Variants in PRDM16 observed in about 807,000 individuals in gnomAD.
The protein encoded by PRDM16 is PR/SET domain 16.
In PRDM16, 23 loss-of-function variants were observed where a neutral mutation model predicts 110.6. The observed-to-expected ratio is 0.21, with a 90% CI of 0.15 to 0.29. PRDM16 has a LOEUF of 0.29. Among genes scored for constraint, PRDM16 ranks in the 10% least tolerant of loss-of-function variants. The pLI, the probability that PRDM16 is intolerant of heterozygous loss-of-function variation, is 1.00. For missense variants in PRDM16, 1,615 were observed against 1,794.3 expected, an observed-to-expected ratio of 0.90 and a Z score of 1.81; for synonymous variants, 799 against 781.8, an observed-to-expected ratio of 1.02 and a Z score of -0.37.
At chr1:3,318,593 C>CA (rs1469093124) in intron 3 of PRDM16, among the ~76,000 whole-genome samples, 4 of 152,210 alleles carry the variant, frequency 2.6e-5, no homozygotes, top group African/African-American at 9.7e-5. Context: ...ATCTATCACT[C>CA]ATCTGTCTAT....
At chr1:3,084,520 T>C (rs1642105986) in intron 1 of PRDM16, among the ~76,000 whole-genome samples, 1 of 152,126 alleles carries the variant, frequency 6.6e-6, no homozygotes, top group South Asian at 2.1e-4. Flanking sequence ...TGAGCTTGCA[T>C]GGGCCCCCGA....
intron 3 of PRDM16, among the ~76,000 whole-genome samples, chr1:3,282,251 C>T (rs781633215): frequency 7.9e-5 from 12 of 152,192 alleles, no homozygotes; most frequent in Non-Finnish European, 1.8e-4. Flanking sequence ...CCAGAGAGGT[C>T]AGCAGGTGCC....
At chr1:3,421,914 AG>A (rs1638441677) in intron 12 of PRDM16, among the ~76,000 whole-genome samples, 1 of 150,402 alleles carries the variant, frequency 6.6e-6, no homozygotes, top group African/African-American at 2.4e-5. Context: ...GCAAACAGAC[AG>A]GAAGACAGAC....
intron 2 of PRDM16, among the ~76,000 whole-genome samples, chr1:3,239,869 G>A (rs1459860135): frequency 6.6e-6 from 1 of 152,012 alleles, no homozygotes; most frequent in Non-Finnish European, 1.5e-5. Flanking sequence ...AGGATCACCT[G>A]AGCCCAGGAG....
chr1:3,335,602 A>AAGACACACACAC (rs1642127669), intron 3 of PRDM16, among the ~76,000 whole-genome samples: 1 of 144,326 alleles, frequency 6.9e-6, no homozygotes, highest in Non-Finnish European at 1.5e-5. Context: ...CTGAGGTTAA[A>AAGACACACACAC]ACACACACAC....
chr1:3,392,946 G>A (rs1569663075), intron 4 of PRDM16, among the ~76,000 whole-genome samples: 1 of 152,258 alleles, frequency 6.6e-6, no homozygotes. Flanking sequence ...TTTGAATTCG[G>A]AGGACCTGTG....
intron 14 of PRDM16, among the ~76,000 whole-genome samples, chr1:3,430,431 T>A (rs1638733281): frequency 6.6e-6 from 1 of 152,142 alleles, no homozygotes; most frequent in South Asian, 2.1e-4. Context: ...GGCTCCCGGC[T>A]CTCGGGCCAG....
In PRDM16 at chr1:3,373,557, ACCCCTGCAAGG is replaced by A. The variant is rs908892777; in HGVS notation, c.439-11592_439-11582del. ...ATCCGTCTCTGTGCTTATGAAAAAC[ACCCCTGCAAGG>A]CCACAGAACCAGGCCTGGTCAACCT... is the stretch of plus-strand genomic sequence containing the variant. On this transcript the variant is annotated intron_variant, in intron 3 of 16. Coordinates refer to ENST00000270722, the MANE Select transcript of PRDM16 (RefSeq NM_022114.4). Among the ~76,000 whole-genome samples, 70 of 152,154 alleles carry A rather than the reference ACCCCTGCAAGG, an allele frequency of 4.6e-4. 1 individual carries two copies. The highest frequency in any genetic ancestry group is 1.6e-3 in the African/African-American group (65 of 41,506).
chr1:3,177,948 C>G (rs973382359), intron 1 of PRDM16, among the ~76,000 whole-genome samples: 7 of 152,218 alleles, frequency 4.6e-5, no homozygotes, highest in Admixed American at 4.6e-4. Context: ...TCTTTCAGAG[C>G]AGGCCAGCAC....
chr1:3,126,458 C>T (rs929820420), intron 1 of PRDM16, among the ~76,000 whole-genome samples: 3 of 152,230 alleles, frequency 2.0e-5, no homozygotes, highest in Non-Finnish European at 4.4e-5. Flanking sequence ...CAGGCAGCAC[C>T]TGGGGTCCAG....
At chr1:3,368,232 C>T (rs1041164811) in intron 3 of PRDM16, among the ~76,000 whole-genome samples, 4 of 152,196 alleles carry the variant, frequency 2.6e-5, no homozygotes, top group East Asian at 1.9e-4. Flanking sequence ...GAGGCAGTCC[C>T]GACAGATGCT....
rs1039321107 is a variant in PRDM16, at chr1:3,201,433, C to T, written c.387+14959C>T. Among the ~76,000 whole-genome samples the T allele has an allele frequency of 2.6e-5, 4 of 152,190 alleles. No individual in the cohort carries two copies. Among genetic ancestry groups the T allele is most frequent in the African/African-American group, 9.7e-5 (4 of 41,450 alleles). On this transcript the variant is annotated intron_variant, in intron 2 of 16. Coordinates refer to ENST00000270722, the MANE Select transcript of PRDM16 (RefSeq NM_022114.4). The surrounding 1 kb of genome is among the most constrained non-coding windows in gnomAD (Gnocchi z 4.1). ...TAGCCCAAGCCACGGGAGCCAGCCT[C>T]ACCCTGGCCCCACACCAGAGCTCCC...
chr1:3,373,035 C>A (rs990416960), intron 3 of PRDM16, among the ~76,000 whole-genome samples: 1 of 152,210 alleles, frequency 6.6e-6, no homozygotes, highest in Non-Finnish European at 1.5e-5. Context: ...GCAGCTTGGG[C>A]ATCAAACTCT....
At chr1:3,338,731 G>A (rs1028312007) in intron 3 of PRDM16, among the ~76,000 whole-genome samples, 1 of 152,214 alleles carries the variant, frequency 6.6e-6, no homozygotes, top group Non-Finnish European at 1.5e-5. Context: ...ATGCCCTCCT[G>A]GAGCCCCAGA....
chr1:3,172,648 T>A (rs1300025210), intron 1 of PRDM16, among the ~76,000 whole-genome samples: 2 of 152,234 alleles, frequency 1.3e-5, no homozygotes, highest in Non-Finnish European at 2.9e-5. Flanking sequence ...CGCCACCACC[T>A]GGAGGAAACT....
At chr1:3,132,290 G>T (rs1019586287) in intron 1 of PRDM16, among the ~76,000 whole-genome samples, 1 of 152,194 alleles carries the variant, frequency 6.6e-6, no homozygotes, top group African/African-American at 2.4e-5. Flanking sequence ...ACCTGGATGT[G>T]GTCCCTGCCC....
intron 3 of PRDM16, among the ~76,000 whole-genome samples, chr1:3,249,717 G>A (rs942067855): frequency 2.9e-4 from 44 of 152,326 alleles, no homozygotes; most frequent in Admixed American, 2.0e-3. Context: ...GACTTGCTTC[G>A]TCGCAGTAAG....
At chr1:3,309,631 G>A (rs61153586) in intron 3 of PRDM16, 5,751 of 152,412 alleles carry the variant, frequency 0.038, 368 homozygotes, top group African/African-American at 0.13. Context: ...GCTGGAGCGG[G>A]GTAAGCTGAG....
chr1:3,336,327 C>T (rs1032269897), intron 3 of PRDM16, among the ~76,000 whole-genome samples: 16 of 150,324 alleles, frequency 1.1e-4, no homozygotes, highest in African/African-American at 3.9e-4. Flanking sequence ...TGTACATGCA[C>T]ATGTGTGTAC....
Sources: allele counts gnomAD v4.1 joint callset (sites outside exome capture counted in the v4.1 genomes callset), GRCh38; gene constraint gnomAD v4.1.1; non-coding constraint Gnocchi (gnomAD v3.1); transcripts MANE v1.5; gene names NCBI Gene and HGNC (gene_info 2026-07-23, HGNC 2026-07-21).